CIAO2A: variants seen among roughly 807,000 people sequenced by gnomAD.
CIAO2A encodes cytosolic iron-sulfur assembly component 2A.
A neutral mutation model predicts 22.4 loss-of-function variants in CIAO2A; 17 were observed. That is an observed-to-expected ratio of 0.76 (90% CI 0.52 to 1.14). The LOEUF is 1.14. CIAO2A is among the 50% of genes most tolerant of loss of function. CIAO2A has a pLI of 0.00. For synonymous variants in CIAO2A, 74 were observed against 72.3 expected (o/e 1.02, Z -0.12); for missense variants, 192 against 191.4 (o/e 1.00, Z -0.02).
chr15:64,086,315 G>A (rs1321544658), intron 2 of CIAO2A, among the ~76,000 whole-genome samples: 1 of 151,934 alleles, frequency 6.6e-6, no homozygotes, highest in Non-Finnish European at 1.5e-5. Context: ...GGGAGGCTGA[G>A]GCAAGAGAAT....
intron 3 of CIAO2A, among the ~76,000 whole-genome samples, chr15:64,078,958 T>C (rs2080740796): frequency 6.6e-6 from 1 of 151,912 alleles, no homozygotes; most frequent in South Asian, 2.1e-4. Flanking sequence ...GGAGGCTCAC[T>C]TGAGCCTGGG....
At chr15:64,084,186 C>A (rs932241461) in intron 2 of CIAO2A, among the ~76,000 whole-genome samples, 1 of 152,008 alleles carries the variant, frequency 6.6e-6, no homozygotes, top group South Asian at 2.1e-4. Flanking sequence ...CTTATTCAAG[C>A]TTTTTCATGT....
intron 2 of CIAO2A, among the ~76,000 whole-genome samples, chr15:64,085,894 G>C (rs1317688880): frequency 6.6e-6 from 1 of 151,702 alleles, no homozygotes; most frequent in South Asian, 2.1e-4. Context: ...ATTTTTGGTA[G>C]AGACAGGGTT....
chr15:64,092,463 T>C (rs1419610523), intron 1 of CIAO2A, among the ~76,000 whole-genome samples: 1 of 152,236 alleles, frequency 6.6e-6, no homozygotes, highest in African/African-American at 2.4e-5. Flanking sequence ...GTATCTCTTA[T>C]TCAGTCTACA....
In CIAO2A at chr15:64,093,833, T is replaced by C. The variant is rs1194913036; in HGVS notation, c.-65A>G. Reference sequence around the variant, plus strand: ...CCACCGTCTCTCAGCAGCCTCGGGATTGATCAACTTCCTGGTCTTCAAATG... The same window carrying C: ...CCACCGTCTCTCAGCAGCCTCGGGACTGATCAACTTCCTGGTCTTCAAATG... On this transcript the variant is annotated 5_prime_UTR_variant, in exon 1 of 5. Coordinates refer to ENST00000300030, the MANE Select transcript of CIAO2A (RefSeq NM_032231.7). 3 of 1,578,334 alleles carry C rather than the reference T, an allele frequency of 1.9e-6. No homozygotes were observed. The highest frequency in any genetic ancestry group is 2.6e-6 in the Non-Finnish European group (3 of 1,156,824).
At chr15:64,092,149 T>A (rs750712853) in intron 1 of CIAO2A, among the ~76,000 whole-genome samples, 3 of 151,868 alleles carry the variant, frequency 2.0e-5, no homozygotes, top group Admixed American at 1.3e-4. Context: ...AGCACTGCAC[T>A]ATTAAAATTC....
chr15:64,077,828 T>C (rs972894918), intron 3 of CIAO2A, among the ~76,000 whole-genome samples: 3 of 152,178 alleles, frequency 2.0e-5, no homozygotes, highest in Non-Finnish European at 4.4e-5. Context: ...ATGTTACCCA[T>C]TGGAATACGT....
At chr15:64,086,915 AT>A (rs1016662724) in intron 2 of CIAO2A, among the ~76,000 whole-genome samples, 59 of 136,186 alleles carry the variant, frequency 4.3e-4, no homozygotes, top group Admixed American at 5.9e-4. Flanking sequence ...GCCAATGGGA[AT>A]TTTTTTTTTT....
chr15:64,075,651 TTC>T, intron 3 of CIAO2A, 114 bp from the exon 4 acceptor site: 1 of 550,848 alleles, frequency 1.8e-6, no homozygotes, highest in Non-Finnish European at 3.0e-6. Context: ...CAAATCCTGT[TTC>T]TTTTTTTTTT....
In CIAO2A at chr15:64,089,628, G is replaced by A. The variant is rs78878942; in HGVS notation, c.125-777C>T. ...TGAGATTTGGGTCTGACCATCAAGT[G>A]TCTTTTACAGCCAGCTACCGGCAAT... On this transcript the variant is annotated intron_variant, in intron 1 of 4. Transcript: ENST00000300030. Among the ~76,000 whole-genome samples, 1,181 of 152,288 alleles carry A rather than the reference G, an allele frequency of 7.8e-3. 11 individuals are homozygous for A. Among genetic ancestry groups the A allele is most frequent in the African/African-American group, 0.027 (1,141 of 41,554 alleles).
At position 64,072,850 on chromosome 15, in the gene CIAO2A, A is replaced by T; in HGVS notation, c.*81T>A. 1 of 912,540 alleles carries T rather than the reference A, an allele frequency of 1.1e-6. No individual in the cohort carries two copies. The highest frequency in any genetic ancestry group is 1.7e-6 in the Non-Finnish European group (1 of 576,650). The allele number at this position is 912,540 out of a possible 1,614,324, so 56.5% of individuals were successfully genotyped here. On this transcript the variant is annotated 3_prime_UTR_variant, in exon 5 of 5. Coordinates refer to ENST00000300030, the MANE Select transcript of CIAO2A (RefSeq NM_032231.7). ...CTGAGGTACAAATCACCTATGTATT[A>T]AACATGAGTCTCTGACATTATACAA... is the stretch of plus-strand genomic sequence containing the variant.
intron 1 of CIAO2A, among the ~76,000 whole-genome samples, chr15:64,092,547 C>T (rs574302927): frequency 1.3e-5 from 2 of 152,352 alleles, no homozygotes; most frequent in South Asian, 4.1e-4. Flanking sequence ...GAGTCACTCT[C>T]TTCCAAAGTT....
rs1739621074 is a variant in CIAO2A, at chr15:64,072,728, T to A, written c.*203A>T. ...TAGAAAATATTATTCTGTCTGATCA[T>A]TTAAGTGTTACAAATCCTGAGAATG... On this transcript the variant is annotated 3_prime_UTR_variant, in exon 5 of 5. Transcript: ENST00000300030. 1 of 427,764 alleles carries A rather than the reference T, an allele frequency of 2.3e-6. No individual in the cohort carries two copies. The highest frequency in any genetic ancestry group is 5.7e-5 in the South Asian group (1 of 17,650). 26.5% of individuals were successfully genotyped at this position (427,764 alleles called of 1,614,324 possible).
At chr15:64,084,745 G>A (rs1049007814) in intron 2 of CIAO2A, among the ~76,000 whole-genome samples, 2 of 151,688 alleles carry the variant, frequency 1.3e-5, no homozygotes, top group Non-Finnish European at 1.5e-5. Context: ...CTCCAGCCTG[G>A]GCAACAAGAG....
Position 64,093,686 on chromosome 15 carries a change from CG to C in CIAO2A, c.82del (p.Arg28GlyfsTer11). The C allele has an allele frequency of 1.2e-6, 2 of 1,614,026 alleles. No individual in the cohort carries two copies. The highest frequency in any genetic ancestry group is 1.1e-5 in the South Asian group (1 of 91,076). On this transcript the variant is annotated frameshift_variant, in exon 1 of 5. Coordinates refer to ENST00000300030, the MANE Select transcript of CIAO2A (RefSeq NM_032231.7). LOFTEE classifies it high-confidence loss of function. Reference sequence around the variant, plus strand: ...TTTCTCTTCCATGATCCGGGGCTGCCGGGCAGCTCCCGGCTCAGAGAGGCCG... The same window carrying C: ...TTTCTCTTCCATGATCCGGGGCTGCCGGCAGCTCCCGGCTCAGAGAGGCCG... ...LSGLSEPGAA[R>X]QPRIMEEKAL...
chr15:64,080,669 G>C (rs942978777), intron 3 of CIAO2A, among the ~76,000 whole-genome samples: 2 of 152,086 alleles, frequency 1.3e-5, no homozygotes, highest in African/African-American at 4.8e-5. Flanking sequence ...GTGACAGTGA[G>C]ACTCTGATTC....
chr15:64,077,254 C>T (rs577847161), intron 3 of CIAO2A, among the ~76,000 whole-genome samples: 2 of 152,262 alleles, frequency 1.3e-5, no homozygotes, highest in East Asian at 1.9e-4. Flanking sequence ...GCTGAGACTG[C>T]GCCACTGCAC....
intron 3 of CIAO2A, among the ~76,000 whole-genome samples, chr15:64,079,402 G>T (rs2080744206): frequency 6.6e-6 from 1 of 152,160 alleles, no homozygotes; most frequent in Non-Finnish European, 1.5e-5. Flanking sequence ...AAATTAGCCA[G>T]GCATGGCAGT....
chr15:64,076,864 T>G (rs1317809787), intron 3 of CIAO2A, among the ~76,000 whole-genome samples: 1 of 149,908 alleles, frequency 6.7e-6, no homozygotes, highest in Non-Finnish European at 1.5e-5. Flanking sequence ...CCCACCCCTC[T>G]CCTCCCTCGT....
Sources: gnomAD v4.1 joint callset for allele counts (sites outside exome capture counted in the v4.1 genomes callset) on GRCh38, gnomAD v4.1.1 for gene constraint, MANE v1.5 for transcripts, NCBI Gene and HGNC (gene_info 2026-07-23, HGNC 2026-07-21) for gene names.